RXRA: variants seen among roughly 807,000 people sequenced by gnomAD.
The protein encoded by RXRA is retinoic acid receptor RXR-alpha.
A neutral mutation model predicts 44.5 loss-of-function variants in RXRA; 5 were observed. The ratio of observed to expected loss-of-function variants is 0.11; its 90% CI spans 0.06 to 0.24. RXRA has a LOEUF of 0.24. Ranked by LOEUF, RXRA falls within the 10% of genes least tolerant of loss-of-function variation. The pLI is 1.00. For synonymous variants in RXRA, 291 were observed against 271.4 expected, an observed-to-expected ratio of 1.07 and a Z score of -0.71; for missense variants, 412 against 646.5, an observed-to-expected ratio of 0.64 and a Z score of 3.93.
chr9:134,357,433 C>A (rs1830296740), intron 1 of RXRA, among the ~76,000 whole-genome samples: 1 of 152,174 alleles, frequency 6.6e-6, no homozygotes, highest in Non-Finnish European at 1.5e-5. Context: ...AAGTCAGGCG[C>A]TTTGTGGGCC....
At chr9:134,331,845 G>A (rs1288730523) in intron 1 of RXRA, among the ~76,000 whole-genome samples, 2 of 152,368 alleles carry the variant, frequency 1.3e-5, no homozygotes, top group South Asian at 2.1e-4. Flanking sequence ...TCCCCAGGGT[G>A]GGGGCTCTGC....
chr9:134,415,741 A>G (rs1021137092), intron 4 of RXRA, among the ~76,000 whole-genome samples: 5 of 152,158 alleles, frequency 3.3e-5, no homozygotes, highest in African/African-American at 1.2e-4. Context: ...GGGAGGGAGG[A>G]ACTGGCCCCA....
In RXRA at chr9:134,439,773, A is replaced by G. The variant is rs749998894; in HGVS notation, c.*3159A>G. ...GAGACGCGTGTGGAGAGAGCCGCAC[A>G]CCAGCGCCACCCAGGAAAGGCGGAG... On this transcript the variant is annotated 3_prime_UTR_variant, in exon 10 of 10. Coordinates refer to ENST00000481739, the MANE Select transcript of RXRA (RefSeq NM_002957.6). 6.6e-6 allele frequency: 1 copy of G among 152,274 alleles called. No homozygotes were observed. The highest frequency in any genetic ancestry group is 6.5e-5 in the Admixed American group (1 of 15,288). 9.4% of individuals were successfully genotyped at this position (152,274 alleles called of 1,614,324 possible).
intron 6 of RXRA, chr9:134,427,170 CAAA>C (rs530330321): frequency 9.5e-5 from 77 of 813,580 alleles, no homozygotes; most frequent in East Asian, 1.3e-4. Context: ...TGGGCAAAAA[CAAA>C]AAAAAAAAAA....
intron 1 of RXRA, among the ~76,000 whole-genome samples, chr9:134,355,212 G>A (rs1830268779): frequency 6.6e-6 from 1 of 152,248 alleles, no homozygotes; most frequent in South Asian, 2.1e-4. Context: ...CCAGTTGTCA[G>A]AAGCTGTGCT....
In RXRA at chr9:134,401,889, G is replaced by A; in HGVS notation, c.279+7G>A. 1 of 1,597,330 alleles carries A rather than the reference G, an allele frequency of 6.3e-7. No individual in the cohort carries two copies. Among genetic ancestry groups the A allele is most frequent in the Non-Finnish European group, 8.5e-7 (1 of 1,169,708 alleles). ...CAGCACTGGCAGCCCCCAGGTGAGT[G>A]CGGGGCTGGGGCAAGGGGAGGGGGT... On this transcript the variant is annotated splice_region_variant and intron_variant, in intron 2 of 9. Coordinates refer to ENST00000481739, the MANE Select transcript of RXRA (RefSeq NM_002957.6).
At chr9:134,326,714 C>G in intron 1 of RXRA, 55 bp downstream of exon 1, 4 of 311,096 alleles carry the variant, frequency 1.3e-5, no homozygotes, top group Non-Finnish European at 1.8e-5. Flanking sequence ...GGCCGGCGGG[C>G]GGGAGGGGGC....
chr9:134,430,872 G>T lies in RXRA; in HGVS notation c.1044-1033G>T, dbSNP rs560315677. On this transcript the variant is annotated intron_variant, in intron 7 of 9. Transcript: ENST00000481739. The stretch of plus-strand genomic sequence containing the variant: ...CCCGGCATTTCCTCGCCTTTTTTGC[G>T]AGTGGAATGCAAAGTCTGCCCTCAG... 2.8e-4 allele frequency among the ~76,000 whole-genome samples: 43 copies of T among 152,298 alleles called. 1 individual carries two copies. The highest frequency in any genetic ancestry group is 1.0e-3 in the African/African-American group (42 of 41,562).
At chr9:134,334,789 T>G (rs1287178027) in intron 1 of RXRA, among the ~76,000 whole-genome samples, 2 of 152,208 alleles carry the variant, frequency 1.3e-5, no homozygotes, top group Non-Finnish European at 1.5e-5. Flanking sequence ...CCTCCCCAGC[T>G]GAGGGGACAG....
chr9:134,391,565 A>G (rs968578794), intron 1 of RXRA, among the ~76,000 whole-genome samples: 23 of 152,208 alleles, frequency 1.5e-4, no homozygotes. Context: ...ACCCTCCTCG[A>G]AGGTCTGGCC....
chr9:134,398,812 C>T (rs1423411318), intron 1 of RXRA, among the ~76,000 whole-genome samples: 1 of 152,238 alleles, frequency 6.6e-6, no homozygotes, highest in African/African-American at 2.4e-5. Context: ...CCAGGGGTGC[C>T]TAGGGCCTCA....
intron 1 of RXRA, among the ~76,000 whole-genome samples, chr9:134,377,887 G>T (rs560618611): frequency 6.6e-6 from 1 of 152,220 alleles, no homozygotes; most frequent in Non-Finnish European, 1.5e-5. Flanking sequence ...AGCTGATGGG[G>T]TGCTGAGTGG....
At chr9:134,367,175 G>T (rs1025261107) in intron 1 of RXRA, among the ~76,000 whole-genome samples, 4 of 152,102 alleles carry the variant, frequency 2.6e-5, no homozygotes, top group Non-Finnish European at 5.9e-5. Flanking sequence ...AAGAAGCCCC[G>T]TGCCCGCTGG....
chr9:134,424,771 C>T (rs1805469588), intron 6 of RXRA: 1 of 985,366 alleles, frequency 1.0e-6, no homozygotes, highest in African/African-American at 1.7e-5. Context: ...CTGGTGTTGG[C>T]TGAAGGACTC....
chr9:134,348,810 G>A (rs946440334), intron 1 of RXRA, among the ~76,000 whole-genome samples: 1 of 152,264 alleles, frequency 6.6e-6, no homozygotes, highest in Non-Finnish European at 1.5e-5. Context: ...GACGCTGGAC[G>A]TCGAGGTGGG....
chr9:134,425,813 T>TG (rs1255007532), intron 6 of RXRA: 12 of 985,160 alleles, frequency 1.2e-5, no homozygotes, highest in African/African-American at 1.7e-5. Flanking sequence ...GCCGTGACTC[T>TG]GGGGGGGCCC....
rs1300950803 is a variant in RXRA, at chr9:134,389,694, G to A, written c.29-11938G>A. Among the ~76,000 whole-genome samples, 3 of 152,142 alleles carry A rather than the reference G, an allele frequency of 2.0e-5. No individual in the cohort carries two copies. In the East Asian group the frequency reaches 5.8e-4, roughly 29 times the overall value. On this transcript the variant is annotated intron_variant, in intron 1 of 9. Coordinates refer to ENST00000481739, the MANE Select transcript of RXRA (RefSeq NM_002957.6). ...CTGGGCAAGGTCTGGACTTGGCCAT[G>A]TCTGGCTCTGCCTGTACAGAGGGGG... is the stretch of plus-strand genomic sequence containing the variant.
At position 134,379,546 on chromosome 9, in the gene RXRA, G is replaced by C. The variant is rs1050924145; in HGVS notation, c.29-22086G>C. ...GCCAGTGGCCGTGGCCCAGGGTCTT[G>C]GTGGCTCGGCCTCATGGGGGGCTTG... is the stretch of plus-strand genomic sequence containing the variant. On this transcript the variant is annotated intron_variant, in intron 1 of 9. Transcript: ENST00000481739. 3.0e-6 allele frequency: 3 copies of C among 985,846 alleles called. No individual in the cohort carries two copies. The African/African-American group carries it at 5.2e-5, about 17-fold the overall frequency. 61.1% of individuals were successfully genotyped at this position (985,846 alleles called of 1,614,324 possible).
Position 134,409,815 on chromosome 9 carries a change from C to T in RXRA, c.610+696C>T, listed in dbSNP as rs572314215. On this transcript the variant is annotated intron_variant, in intron 4 of 9. Coordinates refer to ENST00000481739, the MANE Select transcript of RXRA (RefSeq NM_002957.6). ...GTTTGGGGGTGTGCCTCAGTTCCTC[C>T]CATCGGGTCCCGTGCCCTGGGCCTT... Among the ~76,000 whole-genome samples the T allele has an allele frequency of 3.9e-5, 6 of 152,306 alleles. No individual in the cohort carries two copies. The East Asian group carries it at 1.2e-3, about 29-fold the overall frequency.
Sources: allele counts gnomAD v4.1 joint callset (sites outside exome capture counted in the v4.1 genomes callset), GRCh38; gene constraint gnomAD v4.1.1; transcripts MANE v1.5; gene names NCBI Gene and HGNC (gene_info 2026-07-23, HGNC 2026-07-21).